Variants in CFAP100 observed in about 807,000 individuals in gnomAD.
CFAP100 encodes cilia- and flagella-associated protein 100.
A neutral mutation model predicts 81.5 loss-of-function variants in CFAP100; 70 were observed. The observed-to-expected ratio is 0.86, with a 90% confidence interval of 0.71 to 1.05. CFAP100 has a LOEUF of 1.05. CFAP100 is among the 50% of genes least tolerant of loss of function. The probability of loss-of-function intolerance (pLI) is 0.00; values close to 1 mark genes in which losing one functional copy is unlikely to be tolerated. For synonymous variants in CFAP100, 341 were observed against 314.8 expected, an observed-to-expected ratio of 1.08 and a Z score of -0.88; for missense variants, 811 against 776.5, an observed-to-expected ratio of 1.04 and a Z score of -0.53.
intron 13 of CFAP100, among the ~76,000 whole-genome samples, chr3:126,432,003 G>A (rs909136769): frequency 7.9e-5 from 12 of 152,098 alleles, no homozygotes; most frequent in South Asian, 2.1e-4. Context: ...TGTTGAGGCC[G>A]GGCGCAGTGG....
intron 2 of CFAP100, among the ~76,000 whole-genome samples, chr3:126,399,993 C>A (rs184593667): frequency 2.0e-4 from 30 of 152,242 alleles, no homozygotes; most frequent in African/African-American, 7.2e-4. Flanking sequence ...AGCGGCTGGC[C>A]ATTGTTCCAA....
chr3:126,417,554 G>A (rs939870958), intron 5 of CFAP100, among the ~76,000 whole-genome samples: 9 of 152,194 alleles, frequency 5.9e-5, no homozygotes, highest in African/African-American at 2.2e-4. Flanking sequence ...ATGGGGGTTA[G>A]ACGGGGAGAC....
At chr3:126,433,858 G>T in intron 14 of CFAP100, 1 of 321,852 alleles carries the variant, frequency 3.1e-6, no homozygotes, top group Non-Finnish European at 5.8e-6. Flanking sequence ...CAGTCTCAGA[G>T]AAGACATAGC....
At position 126,435,787 on chromosome 3, in the gene CFAP100, C is replaced by CTGA. The variant is rs1394593599; in HGVS notation, c.1722+136_1722+137insGAT. ...TGAGGCTCTGAGGGAGACAGGCTGC[C>CTGA]TTCGGAGCAAGGCCTCTCCCAGGAC... On this transcript the variant is annotated intron_variant, in intron 16 of 16. Coordinates refer to ENST00000352312, the MANE Select transcript of CFAP100 (RefSeq NM_182628.3). 3 of 678,478 alleles carry CTGA rather than the reference C, an allele frequency of 4.4e-6. No individual in the cohort carries two copies. The African/African-American group carries it at 5.4e-5, about 12-fold the overall frequency. The allele number at this position is 678,478 out of a possible 1,614,324, so 42.0% of individuals were successfully genotyped here.
At chr3:126,408,313 C>G (rs2083100933) in intron 3 of CFAP100, among the ~76,000 whole-genome samples, 1 of 152,216 alleles carries the variant, frequency 6.6e-6, no homozygotes, top group Admixed American at 6.5e-5. Flanking sequence ...CCACACCCGA[C>G]AAAGTGAACC....
intron 3 of CFAP100, among the ~76,000 whole-genome samples, chr3:126,408,852 G>C (rs928944057): frequency 6.6e-6 from 1 of 152,136 alleles, no homozygotes; most frequent in Non-Finnish European, 1.5e-5. Context: ...GCAGTCGTTC[G>C]ATCACAGCTC....
chr3:126,407,314 C>T (rs1437827617), intron 3 of CFAP100, 62 bp downstream of exon 3: 3 of 1,057,294 alleles, frequency 2.8e-6, no homozygotes, highest in Admixed American at 3.7e-5. Flanking sequence ...CTCCCTCTGC[C>T]CCCAGATCCC....
At position 126,423,586 on chromosome 3, in the gene CFAP100, G is replaced by T; in HGVS notation, c.1228G>T (p.Glu410Ter). The change falls in exon 13 of 17, where the codon GAG becomes TAG. Residue 410 changes from glutamate to a stop codon, truncating the protein, a stop_gained. Transcript: ENST00000352312. LOFTEE classifies it high-confidence loss of function. ...QNLSLIQNSQ[E>*]TEKTLEELSH... The stretch of plus-strand genomic sequence containing the variant: ...CCTGTCGCTGATCCAGAACAGCCAG[G>T]AGACGGAGAAGACCCTGGAGGAGCT... 6.2e-7 allele frequency: 1 copy of T among 1,612,322 alleles called. No individual in the cohort carries two copies. The highest frequency in any genetic ancestry group is 1.1e-5 in the South Asian group (1 of 90,962).
chr3:126,396,004 T>A lies in CFAP100; in HGVS notation c.4T>A (p.Ser2Thr). The A allele has an allele frequency of 1.2e-6, 2 of 1,613,314 alleles. No homozygotes were observed. Among genetic ancestry groups the A allele is most frequent in the South Asian group, 2.2e-5 (2 of 91,076 alleles). The stretch of plus-strand genomic sequence containing the variant: ...AACCTCTTGGGCCTCAGCCAAGATG[T>A]CTGAGATACCGTCCACTATAGTCTC... MSEIPSTIVSKN... is the reference protein window; with the variant it reads MTEIPSTIVSKN... Residue 2 changes from serine (S) to threonine (T), a missense_variant, in exon 2 of 17, where the codon TCT (serine) becomes ACT (threonine). Physicochemically the swap from Ser to Thr is moderately conservative, Grantham distance 58. Coordinates refer to ENST00000352312, the MANE Select transcript of CFAP100 (RefSeq NM_182628.3).
chr3:126,399,833 C>G (rs1387095371), intron 2 of CFAP100, among the ~76,000 whole-genome samples: 1 of 152,182 alleles, frequency 6.6e-6, no homozygotes, highest in Non-Finnish European at 1.5e-5. Flanking sequence ...GCTGTACCAG[C>G]CTCCAGCCTG....
chr3:126,412,118 A>G (rs2083167473), intron 3 of CFAP100, among the ~76,000 whole-genome samples: 1 of 152,210 alleles, frequency 6.6e-6, no homozygotes, highest in Non-Finnish European at 1.5e-5. Flanking sequence ...TTATCATTCA[A>G]TTCAAAGAAT....
At chr3:126,402,189 AC>A (rs965817508) in intron 2 of CFAP100, among the ~76,000 whole-genome samples, 50 of 152,208 alleles carry the variant, frequency 3.3e-4, no homozygotes, top group African/African-American at 1.2e-3. Flanking sequence ...TGGCACCATC[AC>A]TAACCCAGTC....
rs1172959857 is a variant in CFAP100, at chr3:126,420,035, C to A, written c.955+14C>A. On this transcript the variant is annotated intron_variant, in intron 10 of 16. Coordinates refer to ENST00000352312, the MANE Select transcript of CFAP100 (RefSeq NM_182628.3). ...TGTGGGCCAAAGGTGAGCTGCCGCC[C>A]CCAGCCTGAGGAGGAGCCTGGCTCT... 1.9e-6 allele frequency: 3 copies of A among 1,613,250 alleles called. No homozygotes were observed. In the South Asian group the frequency reaches 3.3e-5, roughly 18 times the overall value.
intron 5 of CFAP100, among the ~76,000 whole-genome samples, chr3:126,417,500 G>GT (rs1408755753): frequency 1.5e-4 from 23 of 152,326 alleles, no homozygotes; most frequent in Non-Finnish European, 7.4e-5. Context: ...CCCTGAGCTT[G>GT]TGGGGGCGTT....
intron 3 of CFAP100, among the ~76,000 whole-genome samples, chr3:126,413,836 C>T (rs1471662020): frequency 6.6e-6 from 1 of 152,250 alleles, no homozygotes; most frequent in Non-Finnish European, 1.5e-5. Flanking sequence ...TGAGACAAGG[C>T]TGTGCTCACG....
Position 126,436,515 on chromosome 3 carries a change from T to C in CFAP100, c.*111T>C, listed in dbSNP as rs553964142. 5.5e-5 allele frequency: 40 copies of C among 723,978 alleles called. No homozygotes were observed. The highest frequency in any genetic ancestry group is 3.6e-4 in the Middle Eastern group (1 of 2,796). The allele number at this position is 723,978 out of a possible 1,614,324, so 44.8% of individuals were successfully genotyped here. A position where few individuals can be genotyped will look rare whatever the true frequency, so the allele number is the denominator to read the frequency against. ...CCAACTGAGTCCTCTCTGTCTCCTGTGTGCTCCCTTCCTCACCTGAATAAA... is the reference window on the plus strand; with the variant it reads ...CCAACTGAGTCCTCTCTGTCTCCTGCGTGCTCCCTTCCTCACCTGAATAAA... On this transcript the variant is annotated 3_prime_UTR_variant, in exon 17 of 17. Coordinates refer to ENST00000352312, the MANE Select transcript of CFAP100 (RefSeq NM_182628.3).
Position 126,419,631 on chromosome 3 carries a change from G to C in CFAP100, c.732-6G>C, listed in dbSNP as rs951595069. 16 of 1,612,892 alleles carry C rather than the reference G, an allele frequency of 9.9e-6. No individual in the cohort carries two copies. In the East Asian group the frequency reaches 2.7e-4, roughly 27 times the overall value. Reference sequence around the variant, plus strand: ...CTTCCCACATCCTCACCCCGCCCCGGTGTAGTGAGATCTCCAGATTTGAAG... The same window carrying C: ...CTTCCCACATCCTCACCCCGCCCCGCTGTAGTGAGATCTCCAGATTTGAAG... On this transcript the variant is annotated splice_polypyrimidine_tract_variant and splice_region_variant and intron_variant, in intron 8 of 16. Transcript: ENST00000352312.
At chr3:126,418,362 TG>T in intron 5 of CFAP100, 95 bp from the exon 6 acceptor site, 1 of 1,090,532 alleles carries the variant, frequency 9.2e-7, no homozygotes, top group Non-Finnish European at 1.4e-6. Context: ...CGCAAAGCAG[TG>T]GCCAGCAGCC....
At chr3:126,403,847 A>G (rs528422714) in intron 2 of CFAP100, among the ~76,000 whole-genome samples, 2 of 152,356 alleles carry the variant, frequency 1.3e-5, no homozygotes, top group African/African-American at 4.8e-5. Context: ...TTTCTAAAAA[A>G]TATTTAAACT....
Sources: gnomAD v4.1 joint callset for allele counts (sites outside exome capture counted in the v4.1 genomes callset) on GRCh38, gnomAD v4.1.1 for gene constraint, MANE v1.5 for transcripts, NCBI Gene and HGNC (gene_info 2026-07-23, HGNC 2026-07-21) for gene names.